Variants in DPP10 observed in about 807,000 individuals in gnomAD.
The protein encoded by DPP10 is inactive dipeptidyl peptidase 10.
Under a neutral mutation model 120.9 loss-of-function variants are expected in DPP10, and 33 were observed. That is an observed-to-expected ratio of 0.27 (90% CI 0.21 to 0.37). The LOEUF is 0.37. DPP10 is among the 10% of genes least tolerant of loss of function. The probability of loss-of-function intolerance (pLI) is 1.00; values close to 1 mark genes in which losing one functional copy is unlikely to be tolerated. For synonymous variants in DPP10, 337 were observed against 326.1 expected (o/e 1.03, Z -0.36); for missense variants, 816 against 942.8 (o/e 0.87, Z 1.76).
intron 1 of DPP10, among the ~76,000 whole-genome samples, chr2:115,201,789 T>C (rs2055745843): frequency 1.3e-5 from 2 of 152,134 alleles, no homozygotes; most frequent in South Asian, 2.1e-4. Context: ...GAAGGCTTTA[T>C]GTGTCCTCAA....
At chr2:115,620,399 C>T (rs1436310252) in intron 5 of DPP10, among the ~76,000 whole-genome samples, 1 of 152,304 alleles carries the variant, frequency 6.6e-6, no homozygotes, top group South Asian at 2.1e-4. Flanking sequence ...ATTGGTATAA[C>T]ATTAGTTCAT....
rs1553450295 is a variant in DPP10 at position 114,494,121 on chromosome 2, A to AAAAC, written c.60+51283_60+51284insAAAC. On this transcript the variant is annotated intron_variant, in intron 1 of 25. Coordinates refer to ENST00000410059, the MANE Select transcript of DPP10 (RefSeq NM_020868.6). ...TAAGGCAAAAAAAAAAAAAAAAAAA[A>AAAAC]CCCAGCAAATTGTCAATAAAAACAG... 7.3e-3 allele frequency among the ~76,000 whole-genome samples: 1,080 copies of AAAAC among 147,284 alleles called. 11 individuals carry two copies. The highest frequency in any genetic ancestry group is 0.027 in the African/African-American group (1,043 of 38,552).
At chr2:115,224,394 T>C (rs868220464) in intron 1 of DPP10, among the ~76,000 whole-genome samples, 1 of 152,120 alleles carries the variant, frequency 6.6e-6, no homozygotes, top group Admixed American at 6.6e-5. Context: ...TCTGTGAATG[T>C]AGGATAAAGT....
chr2:115,235,300 TA>T lies in DPP10; in HGVS notation c.61-73936del, dbSNP rs537516763. Among the ~76,000 whole-genome samples, 14 of 152,300 alleles carry T rather than the reference TA, an allele frequency of 9.2e-5. No individual in the cohort carries two copies. In the South Asian group the frequency reaches 2.9e-3, roughly 32 times the overall value. On this transcript the variant is annotated intron_variant, in intron 1 of 25. Transcript: ENST00000410059. ...GTAATGATGTGAATGGTAAAAATAATAAAGAGGACTTTGCCTCATTTATTGA... is the reference window on the plus strand; with the variant it reads ...GTAATGATGTGAATGGTAAAAATAATAAGAGGACTTTGCCTCATTTATTGA...
At chr2:114,450,641 A>G (rs370208085) in intron 1 of DPP10, among the ~76,000 whole-genome samples, 1 of 152,138 alleles carries the variant, frequency 6.6e-6, no homozygotes, top group South Asian at 2.1e-4. Flanking sequence ...GAAATATGCA[A>G]ACAACATTTG....
chr2:115,098,433 G>A (rs1277474536), intron 1 of DPP10, among the ~76,000 whole-genome samples: 1 of 152,010 alleles, frequency 6.6e-6, no homozygotes, highest in South Asian at 2.1e-4. Flanking sequence ...CATACTTACG[G>A]AAACCTAGAC....
intron 1 of DPP10, among the ~76,000 whole-genome samples, chr2:114,455,156 TTGTGTGTGTG>T (rs141717813): frequency 2.0e-5 from 3 of 147,390 alleles, no homozygotes; most frequent in Non-Finnish European, 3.0e-5. Flanking sequence ...TTTCTTTCTA[TTGTGTGTGTG>T]TGTGTGTGTG....
chr2:115,244,710 A>G (rs1035232555), intron 1 of DPP10, among the ~76,000 whole-genome samples: 1 of 151,770 alleles, frequency 6.6e-6, no homozygotes, highest in South Asian at 2.1e-4. Context: ...AAATTAAAGC[A>G]TCAGCATAGA....
chr2:114,790,225 G>A (rs1320300810), intron 1 of DPP10, among the ~76,000 whole-genome samples: 2 of 152,210 alleles, frequency 1.3e-5, no homozygotes, highest in African/African-American at 4.8e-5. Flanking sequence ...AAGCCATGGT[G>A]TGGAATTCCT....
chr2:115,015,173 C>G (rs1174914731), intron 1 of DPP10, among the ~76,000 whole-genome samples: 1 of 152,150 alleles, frequency 6.6e-6, no homozygotes, highest in Non-Finnish European at 1.5e-5. Flanking sequence ...TGGCTGCATC[C>G]CTGGGATGCA....
intron 3 of DPP10, among the ~76,000 whole-genome samples, chr2:115,489,261 A>C (rs562652439): frequency 6.6e-6 from 1 of 151,782 alleles, no homozygotes; most frequent in Non-Finnish European, 1.5e-5. Flanking sequence ...GTTCTTAGAA[A>C]GCCAGATTAG....
chr2:115,699,191 C>T lies in DPP10; in HGVS notation c.576+9270C>T, dbSNP rs188714245. Among the ~76,000 whole-genome samples, 4 of 152,068 alleles carry T rather than the reference C, an allele frequency of 2.6e-5. No individual in the cohort carries two copies. In the East Asian group the frequency reaches 7.7e-4, roughly 29 times the overall value. On this transcript the variant is annotated intron_variant, in intron 7 of 25. Transcript: ENST00000410059. ...TAACCTAGACGAAATGAAGATAGTACCAAAAATGCAAAACTTCGTAGTAGA... is the reference window on the plus strand; with the variant it reads ...TAACCTAGACGAAATGAAGATAGTATCAAAAATGCAAAACTTCGTAGTAGA...
At chr2:114,493,048 T>C (rs1682144554) in intron 1 of DPP10, among the ~76,000 whole-genome samples, 1 of 152,124 alleles carries the variant, frequency 6.6e-6, no homozygotes, top group Non-Finnish European at 1.5e-5. Flanking sequence ...TGAAAACAGT[T>C]TGTAGTGCCA....
chr2:114,526,538 T>C (rs141847929), intron 1 of DPP10, among the ~76,000 whole-genome samples: 1 of 152,258 alleles, frequency 6.6e-6, no homozygotes, highest in East Asian at 1.9e-4. Context: ...GAGGCAGTTA[T>C]AACAAAAAAT....
chr2:115,435,875 G>C (rs2071447839), intron 3 of DPP10, among the ~76,000 whole-genome samples: 1 of 151,870 alleles, frequency 6.6e-6, no homozygotes, highest in Non-Finnish European at 1.5e-5. Context: ...TGTATATGGT[G>C]AGAGATAGGG....
At chr2:115,793,832 G>A (rs1006167897) in intron 19 of DPP10, among the ~76,000 whole-genome samples, 2 of 151,992 alleles carry the variant, frequency 1.3e-5, no homozygotes, top group African/African-American at 4.8e-5. Flanking sequence ...CACAGAATGT[G>A]ACTTACAAAA....
chr2:115,660,301 C>CT (rs1450519527), intron 5 of DPP10, among the ~76,000 whole-genome samples: 2 of 152,090 alleles, frequency 1.3e-5, no homozygotes, highest in Non-Finnish European at 2.9e-5. Flanking sequence ...TCAAGGTGAA[C>CT]TTTTTTAGAG....
intron 1 of DPP10, among the ~76,000 whole-genome samples, chr2:114,705,168 C>T (rs544831504): frequency 3.5e-4 from 53 of 152,258 alleles, no homozygotes; most frequent in Admixed American, 9.2e-4. Context: ...AAATTGAAAG[C>T]CACATTGAGC....
chr2:115,521,475 A>T lies in DPP10; in HGVS notation c.367-4423A>T, dbSNP rs550433872. On this transcript the variant is annotated intron_variant, in intron 4 of 25. Coordinates refer to ENST00000410059, the MANE Select transcript of DPP10 (RefSeq NM_020868.6). ...TCGAATGTCTAAAACTTTCCTCAAA[A>T]TATGCCTGTTTTTCTTTATTTTCTC... Among the ~76,000 whole-genome samples the T allele has an allele frequency of 1.3e-4, 20 of 152,306 alleles. 1 individual carries two copies. The South Asian group carries it at 3.9e-3, about 30-fold the overall frequency.
Sources: gnomAD v4.1 joint callset for allele counts (sites outside exome capture counted in the v4.1 genomes callset) on GRCh38, gnomAD v4.1.1 for gene constraint, MANE v1.5 for transcripts, NCBI Gene and HGNC (gene_info 2026-07-23, HGNC 2026-07-21) for gene names.